Variants in CCDC141 observed in about 807,000 individuals in gnomAD.
The protein encoded by CCDC141 is coiled-coil domain containing 141.
CCDC141 carries 168 observed loss-of-function variants against 181.0 expected under a neutral mutation model. The ratio of observed to expected loss-of-function variants is 0.93; its 90% CI spans 0.82 to 1.05. The LOEUF is 1.05. Among genes scored for constraint, CCDC141 ranks in the 50% least tolerant of loss-of-function variants. The pLI is 0.00. For synonymous variants in CCDC141, 666 were observed against 642.3 expected, an observed-to-expected ratio of 1.04 and a Z score of -0.56; for missense variants, 1,902 against 1,788.5, an observed-to-expected ratio of 1.06 and a Z score of -1.14.
intron 5 of CCDC141, among the ~76,000 whole-genome samples, chr2:178,947,197 G>A (rs1000133453): frequency 1.3e-5 from 2 of 152,184 alleles, no homozygotes; most frequent in African/African-American, 2.4e-5. Flanking sequence ...CCAGCGAGTA[G>A]CTACTGCAGA....
intron 2 of CCDC141, among the ~76,000 whole-genome samples, chr2:178,981,378 C>T (rs1377700312): frequency 7.4e-6 from 1 of 135,766 alleles, no homozygotes; most frequent in Non-Finnish European, 1.6e-5. Flanking sequence ...ATTTTAAAAA[C>T]AGAAATCATA....
At chr2:178,847,420 A>G (rs1684985385) in intron 21 of CCDC141, among the ~76,000 whole-genome samples, 1 of 152,130 alleles carries the variant, frequency 6.6e-6, no homozygotes. Context: ...GGTCCCAGCT[A>G]CTTGGGAGGC....
At chr2:179,042,923 C>T (rs1230474109) in intron 2 of CCDC141, among the ~76,000 whole-genome samples, 1 of 151,942 alleles carries the variant, frequency 6.6e-6, no homozygotes, top group Admixed American at 6.6e-5. Context: ...TCAATGAATC[C>T]TAAAAGCTAG....
At chr2:178,891,634 C>G (rs1051121427) in intron 8 of CCDC141, among the ~76,000 whole-genome samples, 2 of 152,106 alleles carry the variant, frequency 1.3e-5, no homozygotes, top group African/African-American at 4.8e-5. Flanking sequence ...GTAGCTTGCT[C>G]AAATTACTAC....
chr2:179,025,928 C>A (rs1251168265), intron 2 of CCDC141, among the ~76,000 whole-genome samples: 1 of 152,116 alleles, frequency 6.6e-6, no homozygotes, highest in Non-Finnish European at 1.5e-5. Flanking sequence ...ATTTGTGGAA[C>A]TTTGAACTTA....
At chr2:179,044,750 T>A (rs898889448) in intron 2 of CCDC141, among the ~76,000 whole-genome samples, 1 of 152,158 alleles carries the variant, frequency 6.6e-6, no homozygotes, top group African/African-American at 2.4e-5. Context: ...CAGGAGATCA[T>A]GAGAACGCAA....
chr2:178,820,002 T>G, the CCDC141 span, among the ~76,000 whole-genome samples: 1 of 152,116 alleles, frequency 6.6e-6, no homozygotes. Context: ...ATAAATATAT[T>G]TATTAAGCTT....
chr2:178,905,724 T>G (rs1687936169), intron 7 of CCDC141, among the ~76,000 whole-genome samples: 1 of 152,206 alleles, frequency 6.6e-6, no homozygotes, highest in South Asian at 2.1e-4. Context: ...TAACTAAATG[T>G]CAATACCATA....
At chr2:178,903,357 G>T (rs557601249) in intron 8 of CCDC141, among the ~76,000 whole-genome samples, 1,814 of 151,870 alleles carry the variant, frequency 0.012, 37 homozygotes, top group African/African-American at 0.042. Flanking sequence ...GGAACCAACT[G>T]AAATGTCCAA....
intron 4 of CCDC141, among the ~76,000 whole-genome samples, chr2:178,965,392 G>T (rs1690580453): frequency 6.6e-6 from 1 of 152,204 alleles, no homozygotes; most frequent in South Asian, 2.1e-4. Context: ...GACACAGAAG[G>T]AAGGTGATTT....
At chr2:178,980,991 T>A (rs779431272) in intron 2 of CCDC141, among the ~76,000 whole-genome samples, 2 of 152,178 alleles carry the variant, frequency 1.3e-5, no homozygotes, top group Non-Finnish European at 2.9e-5. Flanking sequence ...GCCAGGAATA[T>A]TATTTGAGAC....
chr2:178,933,581 G>T (rs748427219), intron 6 of CCDC141, among the ~76,000 whole-genome samples: 2 of 152,182 alleles, frequency 1.3e-5, no homozygotes, highest in Non-Finnish European at 2.9e-5. Context: ...AAGAGATCAT[G>T]CCTTTCCTAA....
intron 6 of CCDC141, among the ~76,000 whole-genome samples, chr2:178,928,755 A>C (rs1029325488): frequency 2.6e-5 from 4 of 152,148 alleles, no homozygotes; most frequent in Non-Finnish European, 5.9e-5. Flanking sequence ...GATGGGCAAA[A>C]ACATTTTGGA....
intron 11 of CCDC141, among the ~76,000 whole-genome samples, chr2:178,880,934 G>A (rs1477398092): frequency 5.9e-5 from 9 of 152,184 alleles, no homozygotes; most frequent in African/African-American, 2.2e-4. Flanking sequence ...AGTTGGAGGA[G>A]TCTACAGGAT....
intron 2 of CCDC141, among the ~76,000 whole-genome samples, chr2:179,025,939 A>C (rs2154386267): frequency 6.6e-6 from 1 of 152,316 alleles, no homozygotes; most frequent in Non-Finnish European, 1.5e-5. Context: ...TTTGAACTTA[A>C]GAGAGATGAT....
chr2:178,975,019 C>T (rs1431749074), intron 4 of CCDC141, 38 bp downstream of exon 4: 5 of 1,063,014 alleles, frequency 4.7e-6, no homozygotes, highest in Admixed American at 4.7e-5. Flanking sequence ...CTTTTAAAAC[C>T]TCTAAACACT....
intron 14 of CCDC141, among the ~76,000 whole-genome samples, chr2:178,870,223 C>A (rs2154369037): frequency 1.1e-5 from 1 of 91,884 alleles, no homozygotes. Context: ...CAGAGTAAGA[C>A]TCTGTCTCAA....
chr2:178,879,188 T>C (rs569100062), intron 11 of CCDC141, among the ~76,000 whole-genome samples: 6 of 152,178 alleles, frequency 3.9e-5, no homozygotes, highest in East Asian at 1.9e-4. Flanking sequence ...TAATATGTAA[T>C]TGGATGACGT....
Position 178,837,697 on chromosome 2 carries a change from T to G in CCDC141, c.3522A>C (p.Glu1174Asp), listed in dbSNP as rs778653032. The G allele has an allele frequency of 6.2e-7, 1 of 1,613,730 alleles. No individual in the cohort carries two copies. Among genetic ancestry groups the G allele is most frequent in the Non-Finnish European group, 8.5e-7 (1 of 1,179,768 alleles). Residue 1174 changes from glutamate (E) to aspartate (D), a missense_variant, in exon 23 of 24, where the codon GAA becomes GAC. Physicochemically the swap from Glu to Asp is conservative, Grantham distance 45. Coordinates refer to ENST00000443758, the MANE Select transcript of CCDC141 (RefSeq NM_173648.4). ...CCTTCAGGTCTTGTGGTAGTCGCTC[T>G]TCCCCTGTTCCATTGATGCCCAAAA... ...ADLLGINGTG[E>D]ERLPQDLKVS...
Sources: allele counts gnomAD v4.1 joint callset (sites outside exome capture counted in the v4.1 genomes callset), GRCh38; gene constraint gnomAD v4.1.1; transcripts MANE v1.5; gene names NCBI Gene and HGNC (gene_info 2026-07-23, HGNC 2026-07-21).